Variants in PARD3 observed in about 807,000 individuals in gnomAD.
PARD3 encodes par-3 family cell polarity regulator.
PARD3 carries 75 observed loss-of-function variants against 155.4 expected under a neutral mutation model. The ratio of observed to expected loss-of-function variants is 0.48; its 90% CI spans 0.40 to 0.58. The LOEUF (loss-of-function observed/expected upper bound fraction) is 0.58, where lower values mean the gene tolerates loss of function less well. Ranked by LOEUF, PARD3 falls within the 20% of genes least tolerant of loss-of-function variation. The pLI, the probability that PARD3 is intolerant of heterozygous loss-of-function variation, is 0.00. For synonymous variants in PARD3, 576 were observed against 610.5 expected (o/e 0.94, Z 0.83); for missense variants, 1,642 against 1,721.7 (o/e 0.95, Z 0.82).
chr10:34,196,459 T>C (rs1950937456), intron 22 of PARD3, among the ~76,000 whole-genome samples: 1 of 152,048 alleles, frequency 6.6e-6, no homozygotes, highest in South Asian at 2.1e-4. Flanking sequence ...CTAGCTCCCA[T>C]CTTAAATTGA....
At chr10:34,316,765 C>T (rs1208249629) in intron 20 of PARD3, among the ~76,000 whole-genome samples, 1 of 152,158 alleles carries the variant, frequency 6.6e-6, no homozygotes, top group East Asian at 1.9e-4. Context: ...ATCATTTAGG[C>T]TGCTAAAATA....
chr10:34,783,778 T>A (rs574180793), intron 1 of PARD3, among the ~76,000 whole-genome samples: 1 of 152,160 alleles, frequency 6.6e-6, no homozygotes, highest in Non-Finnish European at 1.5e-5. Context: ...AATACTATTA[T>A]TGGCTTAGTA....
At chr10:34,448,997 C>A (rs2076911603) in intron 5 of PARD3, among the ~76,000 whole-genome samples, 1 of 149,814 alleles carries the variant, frequency 6.7e-6, no homozygotes, top group African/African-American at 2.5e-5. Flanking sequence ...CGGCTCACTG[C>A]AAGCTCTGCC....
At chr10:34,679,135 G>C (rs995950170) in intron 2 of PARD3, among the ~76,000 whole-genome samples, 1 of 151,980 alleles carries the variant, frequency 6.6e-6, no homozygotes, top group South Asian at 2.1e-4. Flanking sequence ...TCAAGGAAAG[G>C]GCAAAACCTC....
chr10:34,120,419 TTAA>T (rs1433614113), intron 23 of PARD3, among the ~76,000 whole-genome samples: 13 of 151,946 alleles, frequency 8.6e-5, no homozygotes, highest in African/African-American at 1.2e-4. Context: ...CTAGAAGATG[TTAA>T]TGCCAAAAAT....
chr10:34,705,202 G>A (rs749518547), intron 1 of PARD3, among the ~76,000 whole-genome samples: 39 of 152,146 alleles, frequency 2.6e-4, no homozygotes, highest in Non-Finnish European at 5.1e-4. Flanking sequence ...AGTAGCTCAC[G>A]CCTGTAATCC....
chr10:34,730,468 AC>A (rs1424892307), intron 1 of PARD3, among the ~76,000 whole-genome samples: 1 of 152,238 alleles, frequency 6.6e-6, no homozygotes, highest in Non-Finnish European at 1.5e-5. Flanking sequence ...TTTTAAAAAA[AC>A]AAGATGAAGC....
chr10:34,331,946 T>G (rs772292729), intron 18 of PARD3, among the ~76,000 whole-genome samples: 1 of 152,040 alleles, frequency 6.6e-6, no homozygotes, highest in Non-Finnish European at 1.5e-5. Context: ...CTGGGAAATA[T>G]GGATATTCTA....
At chr10:34,652,752 A>G (rs547220660) in intron 2 of PARD3, among the ~76,000 whole-genome samples, 15 of 152,302 alleles carry the variant, frequency 9.8e-5, no homozygotes, top group Middle Eastern at 6.8e-3. Context: ...ATGCATATAC[A>G]TTCTAGAAAA....
chr10:34,447,760 G>A (rs2076825786), intron 5 of PARD3, among the ~76,000 whole-genome samples: 3 of 146,388 alleles, frequency 2.0e-5, no homozygotes, highest in Admixed American at 1.4e-4. Context: ...AACCGAGATC[G>A]CACCACTGCA....
At chr10:34,777,010 T>TTTA in intron 1 of PARD3, among the ~76,000 whole-genome samples, 1 of 148,378 alleles carries the variant, frequency 6.7e-6, no homozygotes, top group African/African-American at 2.5e-5. Flanking sequence ...CTAATTTTTT[T>TTTA]TTTTTTTTTT....
chr10:34,685,454 TG>T (rs770726712), intron 2 of PARD3, among the ~76,000 whole-genome samples: 54 of 152,204 alleles, frequency 3.5e-4, no homozygotes, highest in Non-Finnish European at 4.6e-4. Context: ...CTGGTCACCA[TG>T]TAACACCCTA....
intron 2 of PARD3, among the ~76,000 whole-genome samples, chr10:34,569,634 A>T (rs2086226785): frequency 6.6e-6 from 1 of 151,794 alleles, no homozygotes; most frequent in Non-Finnish European, 1.5e-5. Context: ...AGCCAGGATG[A>T]TCTCCATCTC....
intron 1 of PARD3, among the ~76,000 whole-genome samples, chr10:34,762,076 G>A (rs925467183): frequency 6.6e-6 from 1 of 151,940 alleles, no homozygotes; most frequent in Non-Finnish European, 1.5e-5. Flanking sequence ...GAAATAAGTT[G>A]GTCTTTAAAA....
rs774389489 is a variant in PARD3 at position 34,413,140 on chromosome 10, T to TACACACACACAC, written c.715-11224_715-11223insGTGTGTGTGTGT. Among the ~76,000 whole-genome samples the TACACACACACAC allele has an allele frequency of 4.5e-3, 510 of 113,832 alleles. 4 individuals are homozygous for TACACACACACAC. The highest frequency in any genetic ancestry group is 0.014 in the African/African-American group (454 of 31,532). The allele number at this position is 113,832 out of a possible 152,430, so 74.7% of individuals were successfully genotyped here. ...AAAACATTAGGCAGTACTTCAGATATATATACACACACACACACACACACA... is the reference window on the plus strand; with the variant it reads ...AAAACATTAGGCAGTACTTCAGATATACACACACACACATATACACACACACACACACACACA... On this transcript the variant is annotated intron_variant, in intron 5 of 24. Transcript: ENST00000374788.
At chr10:34,410,202 G>T (rs948922053) in intron 5 of PARD3, among the ~76,000 whole-genome samples, 4 of 152,078 alleles carry the variant, frequency 2.6e-5, no homozygotes, top group African/African-American at 9.7e-5. Context: ...CAAAAGTTCA[G>T]TTAGAGTGAT....
chr10:34,651,457 A>C (rs1590411944), intron 2 of PARD3, among the ~76,000 whole-genome samples: 1 of 152,304 alleles, frequency 6.6e-6, no homozygotes, highest in South Asian at 2.1e-4. Flanking sequence ...TTCCCTGCCC[A>C]CCAGCCAGAC....
intron 1 of PARD3, among the ~76,000 whole-genome samples, chr10:34,812,663 T>C (rs986222832): frequency 8.5e-5 from 13 of 152,188 alleles, no homozygotes; most frequent in Non-Finnish European, 1.5e-4. Flanking sequence ...GAACTTGGTA[T>C]ACTGCAAAGC....
intron 15 of PARD3, chr10:34,343,845 T>C (rs548494985): frequency 1.2e-5 from 12 of 982,088 alleles, no homozygotes; most frequent in African/African-American, 3.5e-5. Flanking sequence ...CAGTATCTTG[T>C]AGAGGAGTGA....
Sources: allele counts gnomAD v4.1 joint callset (sites outside exome capture counted in the v4.1 genomes callset), GRCh38; gene constraint gnomAD v4.1.1; transcripts MANE v1.5; gene names NCBI Gene and HGNC (gene_info 2026-07-23, HGNC 2026-07-21).